The following WDR17 variants were observed in gnomAD, a reference collection of about 807,000 sequenced individuals.
The protein encoded by WDR17 is WD repeat-containing protein 17.
Under a neutral mutation model 161.7 loss-of-function variants are expected in WDR17, and 143 were observed. That is an observed-to-expected ratio of 0.88 (90% CI 0.77 to 1.02). The LOEUF is 1.02. Among genes scored for constraint, WDR17 ranks in the 50% least tolerant of loss-of-function variants. WDR17 has a pLI of 0.00. For missense variants in WDR17, 1,469 were observed against 1,520.9 expected (o/e 0.97, Z 0.57); for synonymous variants, 517 against 515.6 (o/e 1.00, Z -0.04).
chr4:176,131,938 C>T (rs1743530892), intron 7 of WDR17, among the ~76,000 whole-genome samples, 200 bp downstream of exon 7: 1 of 152,024 alleles, frequency 6.6e-6, no homozygotes, highest in South Asian at 2.1e-4. Flanking sequence ...AACCACTATA[C>T]TTCAAAAGTC....
intron 2 of WDR17, among the ~76,000 whole-genome samples, chr4:176,113,877 A>G (rs1051791697): frequency 7.2e-5 from 11 of 152,032 alleles, no homozygotes; most frequent in African/African-American, 2.4e-4. Flanking sequence ...TGATATGTTA[A>G]TGTACCCTAA....
chr4:176,126,020 C>T (rs533970397), intron 5 of WDR17, among the ~76,000 whole-genome samples: 1 of 152,248 alleles, frequency 6.6e-6, no homozygotes, highest in South Asian at 2.1e-4. Flanking sequence ...AAGCCACTCT[C>T]ACAATAAATA....
At chr4:176,120,310 AT>A (rs1561130195) in intron 4 of WDR17, among the ~76,000 whole-genome samples, 1 of 117,188 alleles carries the variant, frequency 8.5e-6, no homozygotes, top group East Asian at 2.9e-4. Context: ...ATATATATAT[AT>A]ATATATATAA....
At chr4:176,143,086 T>G (rs1745550682) in intron 11 of WDR17, among the ~76,000 whole-genome samples, 1 of 152,128 alleles carries the variant, frequency 6.6e-6, no homozygotes, top group South Asian at 2.1e-4. Context: ...TCCATGCTGG[T>G]CAGGCTGGTC....
intron 1 of WDR17, among the ~76,000 whole-genome samples, chr4:176,102,887 A>C (rs1213517308): frequency 1.3e-5 from 2 of 152,184 alleles, no homozygotes; most frequent in Non-Finnish European, 2.9e-5. Context: ...GCCCCAGGGC[A>C]GACAAGTGAG....
At chr4:176,131,016 C>A (rs879911233) in intron 6 of WDR17, among the ~76,000 whole-genome samples, 10 of 152,042 alleles carry the variant, frequency 6.6e-5, no homozygotes, top group South Asian at 2.1e-4. Context: ...AAAAAAACAT[C>A]TAGGAAGAAA....
At chr4:176,070,939 A>G (rs1733152541) in intron 1 of WDR17, among the ~76,000 whole-genome samples, 11 of 152,222 alleles carry the variant, frequency 7.2e-5, no homozygotes, top group Admixed American at 7.2e-4. Flanking sequence ...CAGAACATGA[A>G]TATGCCAGCA....
chr4:176,090,270 A>C (rs377261958), intron 1 of WDR17, among the ~76,000 whole-genome samples: 28 of 151,608 alleles, frequency 1.8e-4, no homozygotes, highest in East Asian at 1.4e-3. Flanking sequence ...AAAAAAAAAA[A>C]AAAGCCTGGC....
intron 28 of WDR17, 138 bp from the exon 29 acceptor site, chr4:176,179,322 C>G: frequency 1.0e-6 from 1 of 1,004,134 alleles, no homozygotes; most frequent in South Asian, 3.9e-5. Flanking sequence ...AACTAATTTT[C>G]TCATAGTCTT....
At position 176,174,734 on chromosome 4, in the gene WDR17, T is replaced by A. The variant is rs530345527; in HGVS notation, c.3449+16T>A. On this transcript the variant is annotated intron_variant, in intron 26 of 28. Coordinates refer to ENST00000508596, the MANE Select transcript of WDR17 (RefSeq NM_181265.4). ...AGTACACAAGGTAAAAAAGGTTTTT[T>A]CCTCCATCATGACATTAGAGCAATT... 6.4e-7 allele frequency: 1 copy of A among 1,559,538 alleles called. No individual in the cohort carries two copies. The highest frequency in any genetic ancestry group is 1.4e-5 in the African/African-American group (1 of 73,568).
chr4:176,172,641 A>T, intron 24 of WDR17, 125 bp downstream of exon 24: 2 of 871,278 alleles, frequency 2.3e-6, no homozygotes, highest in Non-Finnish European at 3.4e-6. Flanking sequence ...TGGGTAATTT[A>T]TAAAGAAAGT....
chr4:176,161,642 A>G (rs1291297046), intron 20 of WDR17, among the ~76,000 whole-genome samples: 1 of 152,210 alleles, frequency 6.6e-6, no homozygotes. Flanking sequence ...ATGTGTTGGG[A>G]ATAATGTATT....
At chr4:176,135,974 C>T (rs1744330841) in intron 8 of WDR17, among the ~76,000 whole-genome samples, 1 of 151,644 alleles carries the variant, frequency 6.6e-6, no homozygotes, top group Non-Finnish European at 1.5e-5. Context: ...ATTATTTCTT[C>T]ATACACAGGG....
chr4:176,166,030 TAA>T (rs1749724743), intron 22 of WDR17: 3 of 635,006 alleles, frequency 4.7e-6, no homozygotes, highest in African/African-American at 1.9e-5. Context: ...TTTTAAGCTA[TAA>T]ACAGCGCTTT....
rs775497786 is a variant in WDR17 at position 176,181,445 on chromosome 4, C to T, written c.*1866C>T. On this transcript the variant is annotated 3_prime_UTR_variant, in exon 29 of 29. Coordinates refer to ENST00000508596, the MANE Select transcript of WDR17 (RefSeq NM_181265.4). ...TCGCACTACTGCACTCCAGCCTGGGCGACAGAGCAAGACCACCATCTCCAA... is the reference window on the plus strand; with the variant it reads ...TCGCACTACTGCACTCCAGCCTGGGTGACAGAGCAAGACCACCATCTCCAA... The T allele has an allele frequency of 2.0e-5, 4 of 204,600 alleles. No individual in the cohort carries two copies. Among genetic ancestry groups the T allele is most frequent in the East Asian group, 1.6e-4 (1 of 6,424 alleles). 12.7% of individuals were successfully genotyped at this position (204,600 alleles called of 1,614,324 possible). A position where few individuals can be genotyped will look rare whatever the true frequency, so the allele number is the denominator to read the frequency against.
rs777480260 is a variant in WDR17 at position 176,125,173 on chromosome 4, C to A, written c.608C>A (p.Thr203Lys). Residue 203 changes from threonine (T) to lysine (K), a missense_variant, in exon 5 of 29, where the codon ACG (threonine) becomes AAG (lysine). Coordinates refer to ENST00000508596, the MANE Select transcript of WDR17 (RefSeq NM_181265.4). Reference sequence around the variant, plus strand: ...GGGACAGATGAAGAGGATCCAGTTACGGCCTTGGAATGGGACCCACTATCT... The same window carrying A: ...GGGACAGATGAAGAGGATCCAGTTAAGGCCTTGGAATGGGACCCACTATCT... ...LEGTDEEDPV[T>K]ALEWDPLSTD... The A allele has an allele frequency of 6.2e-7, 1 of 1,613,978 alleles. No homozygotes were observed. Among genetic ancestry groups the A allele is most frequent in the African/African-American group, 1.3e-5 (1 of 74,888 alleles).
chr4:176,161,713 ACACATGCTAG>A (rs1488254262), intron 20 of WDR17, among the ~76,000 whole-genome samples: 2 of 152,222 alleles, frequency 1.3e-5, no homozygotes, highest in African/African-American at 4.8e-5. Context: ...TAAAAAGCTA[ACACATGCTAG>A]CTGTATTTTG....
At chr4:176,078,371 G>A (rs1010623328) in intron 1 of WDR17, among the ~76,000 whole-genome samples, 3 of 152,062 alleles carry the variant, frequency 2.0e-5, no homozygotes, top group African/African-American at 7.2e-5. Context: ...TACCTAAACC[G>A]GGACTGAAGC....
intron 1 of WDR17, among the ~76,000 whole-genome samples, chr4:176,090,274 G>C (rs995033010): frequency 1.4e-5 from 2 of 140,210 alleles, no homozygotes; most frequent in Non-Finnish European, 3.0e-5. Flanking sequence ...AAAAAAAAAA[G>C]CCTGGCATTT....
Sources: gnomAD v4.1 joint callset for allele counts (sites outside exome capture counted in the v4.1 genomes callset) on GRCh38, gnomAD v4.1.1 for gene constraint, MANE v1.5 for transcripts, NCBI Gene and HGNC (gene_info 2026-07-23, HGNC 2026-07-21) for gene names.